The following HELLS variants were observed in gnomAD, a reference collection of about 807,000 sequenced individuals.
HELLS encodes the protein lymphoid-specific helicase.
In HELLS, 32 loss-of-function variants were observed where a neutral mutation model predicts 120.0. That is an observed-to-expected ratio of 0.27 (90% CI 0.20 to 0.36). The LOEUF is 0.36. Among genes scored for constraint, HELLS ranks in the 10% least tolerant of loss-of-function variants. HELLS has a pLI of 1.00. For synonymous variants in HELLS, 341 were observed against 323.4 expected, an observed-to-expected ratio of 1.05 and a Z score of -0.58; for missense variants, 650 against 993.4, an observed-to-expected ratio of 0.65 and a Z score of 4.65.
chr10:94,593,356 CAT>C lies in HELLS; in HGVS notation c.1972-141_1972-140del, dbSNP rs1289121238. 1.2e-5 allele frequency: 7 copies of C among 576,476 alleles called. No homozygotes were observed. The African/African-American group carries it at 1.3e-4, about 11-fold the overall frequency. 35.7% of individuals were successfully genotyped at this position (576,476 alleles called of 1,614,324 possible). On this transcript the variant is annotated intron_variant, in intron 17 of 21. Coordinates refer to ENST00000348459, the MANE Select transcript of HELLS (RefSeq NM_018063.5). ...AAGCTAACAGCACAGGTTTTGTTAACATAATTGTTTTATAGATCTGAATGATT... is the reference window on the plus strand; with the variant it reads ...AAGCTAACAGCACAGGTTTTGTTAACAATTGTTTTATAGATCTGAATGATT...
chr10:94,613,003 A>T (rs1846209715), exon 10 of HELLS: 1 of 152,208 alleles, frequency 6.6e-6, no homozygotes, highest in African/African-American at 2.4e-5. Context: ...GCTGTTACTT[A>T]GTTTTCACTC....
intron 2 of HELLS, among the ~76,000 whole-genome samples, chr10:94,551,452 G>C (rs568744500): frequency 4.6e-5 from 7 of 151,944 alleles, no homozygotes; most frequent in African/African-American, 1.7e-4. Flanking sequence ...TCTAGTCCCA[G>C]CTATACTGGG....
chr10:94,581,909 G>C (rs1370991332), intron 11 of HELLS, among the ~76,000 whole-genome samples: 1 of 152,154 alleles, frequency 6.6e-6, no homozygotes, highest in African/African-American at 2.4e-5. Flanking sequence ...GTTGTTACAA[G>C]ATAAGACTAG....
chr10:94,613,529 A>AT (rs1846214904), exon 10 of HELLS: 1 of 152,168 alleles, frequency 6.6e-6, no homozygotes, highest in Non-Finnish European at 1.5e-5. Flanking sequence ...TAAAGATATA[A>AT]TTTTTTCCCT....
chr10:94,588,114 G>T, intron 12 of HELLS, 115 bp from the exon 13 acceptor site: 1 of 510,814 alleles, frequency 2.0e-6, no homozygotes, highest in Non-Finnish European at 3.3e-6. Context: ...TTTGAGATTT[G>T]GCATTATTTA....
At chr10:94,605,151 C>A (rs377493950), downstream of HELLS, among the ~76,000 whole-genome samples, 6 of 134,638 alleles carry the variant, frequency 4.5e-5, no homozygotes, top group African/African-American at 8.3e-5. Context: ...GGCTTGATCT[C>A]GGCTCACTGC....
At chr10:94,576,888 C>A in intron 10 of HELLS, 83 bp downstream of exon 10, 1 of 1,273,450 alleles carries the variant, frequency 7.9e-7, no homozygotes, top group Non-Finnish European at 1.1e-6. Context: ...CATCTGGGAG[C>A]ATTTGTCTAA....
chr10:94,589,718 G>T (rs1266075230), intron 13 of HELLS, among the ~76,000 whole-genome samples: 1 of 119,160 alleles, frequency 8.4e-6, no homozygotes, highest in East Asian at 2.5e-4. Context: ...ACAGAGTCTC[G>T]CTGTGTTGCC....
chr10:94,594,553 A>G (rs1167465072), intron 18 of HELLS, 142 bp from the exon 19 acceptor site: 17 of 544,098 alleles, frequency 3.1e-5, no homozygotes, highest in Non-Finnish European at 4.4e-5. Context: ...AATTTTGTCT[A>G]TGAAGCCACT....
Position 94,546,371 on chromosome 10 carries a change from C to T in HELLS, c.32-6C>T, listed in dbSNP as rs568790070. Reference sequence around the variant, plus strand: ...ACTGCAATTTGAAAGCTTTCTCCCCCGTCAGGCTCGGAGGCTCCAGCAATG... The same window carrying T: ...ACTGCAATTTGAAAGCTTTCTCCCCTGTCAGGCTCGGAGGCTCCAGCAATG... On this transcript the variant is annotated splice_polypyrimidine_tract_variant and splice_region_variant and intron_variant, in intron 1 of 21. Coordinates refer to ENST00000348459, the MANE Select transcript of HELLS (RefSeq NM_018063.5). 10 of 1,614,028 alleles carry T rather than the reference C, an allele frequency of 6.2e-6. No individual in the cohort carries two copies. Among genetic ancestry groups the T allele is most frequent in the South Asian group, 5.5e-5 (5 of 91,064 alleles).
intron 10 of HELLS, among the ~76,000 whole-genome samples, chr10:94,578,106 T>G (rs1389863621): frequency 1.4e-5 from 2 of 145,080 alleles, no homozygotes; most frequent in South Asian, 4.4e-4. Context: ...AATACAAAAA[T>G]TAGCTGGGTG....
At chr10:94,546,287 T>G in intron 1 of HELLS, 90 bp from the exon 2 acceptor site, 1 of 1,515,874 alleles carries the variant, frequency 6.6e-7, no homozygotes, top group Non-Finnish European at 9.1e-7. Flanking sequence ...CTCCAGTGCA[T>G]CTCGGGTGGG....
At chr10:94,555,882 C>T (rs1370606378) in intron 3 of HELLS, among the ~76,000 whole-genome samples, 2 of 152,200 alleles carry the variant, frequency 1.3e-5, no homozygotes, top group Admixed American at 6.5e-5. Context: ...TTACCCTGGC[C>T]TCCCAAAGTG....
downstream of HELLS, among the ~76,000 whole-genome samples, chr10:94,603,104 T>G (rs1221948037): frequency 6.6e-6 from 1 of 152,236 alleles, no homozygotes; most frequent in Non-Finnish European, 1.5e-5. Flanking sequence ...CCATCTGCCC[T>G]TTATTATATA....
chr10:94,588,510 C>A, intron 13 of HELLS, 120 bp downstream of exon 13: 1 of 612,066 alleles, frequency 1.6e-6, no homozygotes, highest in South Asian at 2.8e-5. Context: ...GTGGCACAAT[C>A]ACTGCTCACT....
chr10:94,551,125 A>G (rs955831272), intron 2 of HELLS: 3 of 152,198 alleles, frequency 2.0e-5, no homozygotes, highest in African/African-American at 4.8e-5. Context: ...AAGAACTGAA[A>G]ATTGAGTTCA....
intron 21 of HELLS, among the ~76,000 whole-genome samples, chr10:94,597,681 T>C (rs1845803889): frequency 6.6e-6 from 1 of 152,064 alleles, no homozygotes; most frequent in African/African-American, 2.4e-5. Context: ...TACAGTCGCC[T>C]GCCACCACAC....
intron 3 of HELLS, among the ~76,000 whole-genome samples, chr10:94,557,879 T>A (rs942805714): frequency 1.3e-5 from 2 of 152,226 alleles, no homozygotes; most frequent in Non-Finnish European, 2.9e-5. Flanking sequence ...TTCCGTTTTG[T>A]CAGTGTTTAC....
intron 19 of HELLS, among the ~76,000 whole-genome samples, chr10:94,596,534 G>C (rs1299170240): frequency 2.6e-5 from 4 of 151,772 alleles, no homozygotes; most frequent in African/African-American, 9.7e-5. Flanking sequence ...CCATTCTCCT[G>C]TTGGTCGACA....
Sources: allele counts gnomAD v4.1 joint callset (sites outside exome capture counted in the v4.1 genomes callset), GRCh38; gene constraint gnomAD v4.1.1; transcripts MANE v1.5; gene names NCBI Gene and HGNC (gene_info 2026-07-23, HGNC 2026-07-21).